The following ABCB9 variants were observed in gnomAD, a reference collection of about 807,000 sequenced individuals.
ABCB9 encodes the protein ATP binding cassette subfamily B member 9.
In ABCB9, 36 loss-of-function variants were observed where a neutral mutation model predicts 62.0. That is an observed-to-expected ratio of 0.58 (90% CI 0.45 to 0.77). The LOEUF (loss-of-function observed/expected upper bound fraction) is 0.77. ABCB9 is among the 30% of genes least tolerant of loss of function. The pLI, the probability that ABCB9 is intolerant of heterozygous loss-of-function variation, is 0.00. For missense variants in ABCB9, 943 were observed against 1,054.7 expected, an observed-to-expected ratio of 0.89 and a Z score of 1.47; for synonymous variants, 435 against 461.4, an observed-to-expected ratio of 0.94 and a Z score of 0.73.
intron 6 of ABCB9, 58 bp downstream of exon 6, chr12:122,945,967 C>T: frequency 6.4e-7 from 1 of 1,568,790 alleles, no homozygotes; most frequent in Non-Finnish European, 8.7e-7. Context: ...TCGAGGGCTT[C>T]CCCCATCTTT....
In ABCB9 at chr12:122,947,349, C is replaced by T. The variant is rs994178501; in HGVS notation, c.1054-1127G>A. On this transcript the variant is annotated intron_variant, in intron 5 of 11. Coordinates refer to ENST00000280560, the MANE Select transcript of ABCB9 (RefSeq NM_019625.4). This position sits in a 1 kb window ranked among gnomAD's most constrained non-coding sequence, Gnocchi z 6.0. ...CAGGAACTTCGGGAAGAGGTCCTAC[C>T]TGTGTGGCTGGAGAAGACTGTGGGG... 1.7e-4 allele frequency: 56 copies of T among 321,122 alleles called. 1 individual carries two copies. The highest frequency in any genetic ancestry group is 4.7e-4 in the South Asian group (21 of 44,588). 19.9% of individuals were successfully genotyped at this position (321,122 alleles called of 1,614,324 possible). A position where few individuals can be genotyped will look rare whatever the true frequency, so the allele number is the denominator to read the frequency against.
intron 10 of ABCB9, among the ~76,000 whole-genome samples, 162 bp downstream of exon 10, chr12:122,935,110 T>C (rs976945860): frequency 6.6e-6 from 1 of 152,098 alleles, no homozygotes; most frequent in African/African-American, 2.4e-5. Context: ...TGCAGGAAGA[T>C]TGCTTGAGCG....
In ABCB9 at chr12:122,948,601, C is replaced by A. The variant is rs896570761; in HGVS notation, c.1053+23G>T. The A allele has an allele frequency of 1.9e-6, 3 of 1,591,934 alleles. No individual in the cohort carries two copies. The Admixed American group carries it at 5.2e-5, about 28-fold the overall frequency. On this transcript the variant is annotated intron_variant, in intron 5 of 11. Coordinates refer to ENST00000280560, the MANE Select transcript of ABCB9 (RefSeq NM_019625.4). ...GGGGGCTGCCAGGGTGCACAGTCCCCAGCAGAGACAGGGCAGGCCTACCTT... is the reference window on the plus strand; with the variant it reads ...GGGGGCTGCCAGGGTGCACAGTCCCAAGCAGAGACAGGGCAGGCCTACCTT...
At chr12:122,945,770 C>A (rs974932749) in intron 6 of ABCB9, among the ~76,000 whole-genome samples, 1 of 150,306 alleles carries the variant, frequency 6.7e-6, no homozygotes, top group African/African-American at 2.5e-5. Flanking sequence ...CCCAGCTATG[C>A]AGGAGGCTGA....
At chr12:122,973,570 C>CAAAA (rs2037315400) in intron 1 of ABCB9, among the ~76,000 whole-genome samples, 1 of 25,408 alleles carries the variant, frequency 3.9e-5, no homozygotes, top group African/African-American at 1.2e-4. Context: ...GACTCCGTCT[C>CAAAA]AAAAAAAGAA....
At chr12:122,923,222 G>C (rs1037291564) in intron 11 of ABCB9, among the ~76,000 whole-genome samples, 2 of 151,556 alleles carry the variant, frequency 1.3e-5, no homozygotes, top group Non-Finnish European at 1.5e-5. Context: ...CCCGTTTCAG[G>C]CTCCTGAGGA....
At position 122,961,549 on chromosome 12, in the gene ABCB9, G is replaced by A. The variant is rs73408884; in HGVS notation, c.-87-1227C>T. ...ACCTCGCTGGGTAGGTAACACTTGA[G>A]CAAGACTTGAAAGAGTTATGGAAGT... On this transcript the variant is annotated intron_variant, in intron 1 of 11. Coordinates refer to ENST00000280560, the MANE Select transcript of ABCB9 (RefSeq NM_019625.4). Among the ~76,000 whole-genome samples, 1,014 of 152,226 alleles carry A rather than the reference G, an allele frequency of 6.7e-3. 15 individuals carry two copies. Among genetic ancestry groups the A allele is most frequent in the African/African-American group, 0.023 (954 of 41,532 alleles).
rs187144446 is a variant in ABCB9, at chr12:122,934,444, C to T, written c.1903+828G>A. Among the ~76,000 whole-genome samples, 447 of 151,938 alleles carry T rather than the reference C, an allele frequency of 2.9e-3. 2 individuals carry two copies. Among genetic ancestry groups the T allele is most frequent in the African/African-American group, 0.01 (428 of 41,422 alleles). On this transcript the variant is annotated intron_variant, in intron 10 of 11. Coordinates refer to ENST00000280560, the MANE Select transcript of ABCB9 (RefSeq NM_019625.4). Reference sequence around the variant, plus strand: ...ATACAATGGCTCATGCCTGTAATCCCAGCACTTTGGGAGGCAGGAGGATTG... The same window carrying T: ...ATACAATGGCTCATGCCTGTAATCCTAGCACTTTGGGAGGCAGGAGGATTG...
At position 122,964,165 on chromosome 12, in the gene ABCB9, G is replaced by C. The variant is rs1474048639; in HGVS notation, c.-88+2122C>G. Among the ~76,000 whole-genome samples the C allele has an allele frequency of 6.6e-6, 1 of 152,144 alleles. No individual in the cohort carries two copies. The highest frequency in any genetic ancestry group is 1.5e-5 in the Non-Finnish European group (1 of 68,018). ...AGAAAGGGGCTCGGGCTCAGAAGTG[G>C]AACAGGAGGCAGATCCGCAAGAGAC... is the stretch of plus-strand genomic sequence containing the variant. On this transcript the variant is annotated intron_variant, in intron 1 of 11. Transcript: ENST00000280560. The surrounding 1 kb of genome is among the most constrained non-coding windows in gnomAD (Gnocchi z 4.7).
chr12:122,951,793 A>G (rs1241497904), intron 2 of ABCB9: 2 of 152,168 alleles, frequency 1.3e-5, no homozygotes, highest in African/African-American at 4.8e-5. Context: ...AGACTCACAG[A>G]GGCTGAGGAA....
At chr12:122,934,517 C>A (rs559544111) in intron 10 of ABCB9, among the ~76,000 whole-genome samples, 7 of 151,718 alleles carry the variant, frequency 4.6e-5, no homozygotes, top group African/African-American at 1.7e-4. Context: ...AGCAAGACCC[C>A]GTCTCTACAA....
chr12:122,972,801 C>T (rs923937604), intron 1 of ABCB9: 3 of 152,200 alleles, frequency 2.0e-5, no homozygotes, highest in African/African-American at 7.2e-5. Context: ...GCGTGAGCCA[C>T]CACACCTGGC....
At chr12:122,943,732 C>T (rs1001975991) in intron 7 of ABCB9, among the ~76,000 whole-genome samples, 11 of 151,924 alleles carry the variant, frequency 7.2e-5, no homozygotes, top group Non-Finnish European at 1.2e-4. Context: ...CGGGTTCAAG[C>T]GATTCTCCTG....
chr12:122,942,433 CAATTTTGTACTA>C (rs1215386378), intron 7 of ABCB9, among the ~76,000 whole-genome samples: 1 of 139,614 alleles, frequency 7.2e-6, no homozygotes, highest in African/African-American at 3.3e-5. Context: ...ACTGAAAATA[CAATTTTGTACTA>C]AATTTTGTAC....
At position 122,944,319 on chromosome 12, in the gene ABCB9, C is replaced by T; in HGVS notation, c.1380+72G>A. 1.8e-5 allele frequency: 26 copies of T among 1,469,546 alleles called. No homozygotes were observed. The highest frequency in any genetic ancestry group is 2.4e-5 in the Non-Finnish European group (26 of 1,075,298). 91.0% of individuals were successfully genotyped at this position (1,469,546 alleles called of 1,614,324 possible). A position where few individuals can be genotyped will look rare whatever the true frequency, so the allele number is the denominator to read the frequency against. The stretch of plus-strand genomic sequence containing the variant: ...TGTCAGAGTCCCTGGAGCCCCGCCC[C>T]CACCCTGTTAAGATCCCTCTTCCCC... On this transcript the variant is annotated intron_variant, in intron 7 of 11. Transcript: ENST00000280560. This position sits in a 1 kb window ranked among gnomAD's most constrained non-coding sequence, Gnocchi z 4.9.
intron 11 of ABCB9, among the ~76,000 whole-genome samples, chr12:122,921,449 AATGTT>A (rs1334451754): frequency 6.6e-6 from 1 of 151,996 alleles, no homozygotes; most frequent in Middle Eastern, 3.2e-3. Flanking sequence ...TGCAATGGTT[AATGTT>A]ATGTTATGTG....
chr12:122,946,334 C>T (rs962251914), intron 5 of ABCB9, 112 bp from the exon 6 acceptor site: 8 of 1,059,948 alleles, frequency 7.5e-6, no homozygotes, highest in African/African-American at 3.2e-5. Flanking sequence ...CAGCTATATG[C>T]AAGAGGTTCC....
intron 11 of ABCB9, among the ~76,000 whole-genome samples, chr12:122,922,939 A>T (rs1283273759): frequency 1.3e-5 from 2 of 151,838 alleles, no homozygotes; most frequent in African/African-American, 4.8e-5. Flanking sequence ...GACTATAGGC[A>T]CACGCCACTA....
upstream of ABCB9, among the ~76,000 whole-genome samples, chr12:122,967,465 G>C (rs2037211593): frequency 6.6e-6 from 1 of 152,126 alleles, no homozygotes; most frequent in Non-Finnish European, 1.5e-5. Flanking sequence ...AGCAGGTGGG[G>C]CTAGAACTGC....
Sources: gnomAD v4.1 joint callset for allele counts (sites outside exome capture counted in the v4.1 genomes callset) on GRCh38, gnomAD v4.1.1 for gene constraint, Gnocchi (gnomAD v3.1) non-coding constraint, MANE v1.5 for transcripts, NCBI Gene and HGNC (gene_info 2026-07-23, HGNC 2026-07-21) for gene names.